NAA11: variants seen among roughly 807,000 people sequenced by gnomAD.
The protein encoded by NAA11 is N-alpha-acetyltransferase 11, NatA catalytic subunit.
Under a neutral mutation model 16.1 loss-of-function variants are expected in NAA11, and 15 were observed. The observed-to-expected ratio is 0.93, with a 90% CI of 0.62 to 1.44. NAA11 has a LOEUF of 1.44. Among genes scored for constraint, NAA11 ranks in the 40% most tolerant of loss-of-function variants. NAA11 has a pLI of 0.00. For synonymous variants in NAA11, 122 were observed against 112.4 expected, an observed-to-expected ratio of 1.09 and a Z score of -0.54; for missense variants, 298 against 291.3, an observed-to-expected ratio of 1.02 and a Z score of -0.17.
chr4:79,212,257 A>C, the NAA11 span, among the ~76,000 whole-genome samples: 1 of 152,208 alleles, frequency 6.6e-6, no homozygotes, highest in South Asian at 2.1e-4. Context: ...GTACTCTTTG[A>C]AATGCTCCAT....
At chr4:79,192,120 C>T in the NAA11 span, among the ~76,000 whole-genome samples, 1 of 152,126 alleles carries the variant, frequency 6.6e-6, no homozygotes, top group Non-Finnish European at 1.5e-5. Flanking sequence ...TAATGTGATG[C>T]CTCCAGCTTC....
At chr4:79,291,204 A>G (rs937090064) in intron 2 of NAA11, among the ~76,000 whole-genome samples, 1 of 152,158 alleles carries the variant, frequency 6.6e-6, no homozygotes, top group Non-Finnish European at 1.5e-5. Flanking sequence ...GTTTACGCCT[A>G]TAATCCCAGG....
downstream of NAA11, among the ~76,000 whole-genome samples, chr4:79,222,491 A>T (rs1221234136): frequency 6.6e-6 from 1 of 150,802 alleles, no homozygotes; most frequent in East Asian, 1.9e-4. Flanking sequence ...ACAAAAATCA[A>T]TTCAAGATGG....
chr4:79,260,266 G>A (rs1421656899), intron 2 of NAA11, among the ~76,000 whole-genome samples: 1 of 152,136 alleles, frequency 6.6e-6, no homozygotes, highest in East Asian at 1.9e-4. Context: ...GAGGTTAATG[G>A]GAATATTTTG....
chr4:79,314,603 C>T (rs2110013056), downstream of NAA11, among the ~76,000 whole-genome samples: 1 of 142,906 alleles, frequency 7.0e-6, no homozygotes, highest in Middle Eastern at 3.7e-3. Context: ...TCTATTAGAC[C>T]ACCTGAACCC....
At chr4:79,320,839 G>T (rs1313020524) in intron 1 of NAA11, among the ~76,000 whole-genome samples, 1 of 152,178 alleles carries the variant, frequency 6.6e-6, no homozygotes, top group Non-Finnish European at 1.5e-5. Flanking sequence ...AGCTCCACAG[G>T]AGGGAGCACC....
intron 2 of NAA11, among the ~76,000 whole-genome samples, chr4:79,277,276 G>T (rs1049231789): frequency 6.6e-6 from 1 of 152,014 alleles, no homozygotes; most frequent in South Asian, 2.1e-4. Flanking sequence ...AGCCGTTATA[G>T]GTGTACTTAT....
At chr4:79,200,530 G>A in the NAA11 span, among the ~76,000 whole-genome samples, 1 of 151,782 alleles carries the variant, frequency 6.6e-6, no homozygotes, top group Non-Finnish European at 1.5e-5. Context: ...CTGCCTTCCT[G>A]AAAGAAGTGA....
intron 2 of NAA11, among the ~76,000 whole-genome samples, chr4:79,271,998 A>G (rs28711203): frequency 0.45 from 68,293 of 151,188 alleles, 15,946 homozygotes; most frequent in Middle Eastern, 0.56. Flanking sequence ...ATATATATGT[A>G]TACACACACA....
At chr4:79,218,590 G>A in the NAA11 span, among the ~76,000 whole-genome samples, 1 of 151,894 alleles carries the variant, frequency 6.6e-6, no homozygotes, top group Non-Finnish European at 1.5e-5. Context: ...TACCTATCAG[G>A]AGTATAAAAG....
the NAA11 span, among the ~76,000 whole-genome samples, chr4:79,156,669 A>C: frequency 6.6e-6 from 1 of 152,226 alleles, no homozygotes; most frequent in Non-Finnish European, 1.5e-5. Flanking sequence ...AAACAACCAG[A>C]ATAATGTTTG....
At chr4:79,167,066 G>T in the NAA11 span, among the ~76,000 whole-genome samples, 4 of 129,946 alleles carry the variant, frequency 3.1e-5, no homozygotes, top group Non-Finnish European at 4.8e-5. Flanking sequence ...TGAGGTATGG[G>T]GAGTCACCAA....
intron 2 of NAA11, among the ~76,000 whole-genome samples, chr4:79,292,320 C>A (rs1005389866): frequency 2.0e-5 from 3 of 152,146 alleles, no homozygotes; most frequent in Admixed American, 6.5e-5. Flanking sequence ...TTAATGAAAA[C>A]TTTCTATATC....
At chr4:79,313,084 C>CA (rs892803172), downstream of NAA11, among the ~76,000 whole-genome samples, 22 of 152,050 alleles carry the variant, frequency 1.4e-4, no homozygotes, top group Admixed American at 1.4e-3. Flanking sequence ...TCATTGCTGA[C>CA]ATAGTTATTG....
chr4:79,257,358 T>A (rs1722139076), intron 2 of NAA11, among the ~76,000 whole-genome samples: 1 of 152,168 alleles, frequency 6.6e-6, no homozygotes, highest in African/African-American at 2.4e-5. Context: ...TTTGTTTCAA[T>A]ATTTTGGGGT....
chr4:79,247,369 T>G (rs1343427376), intron 2 of NAA11, among the ~76,000 whole-genome samples: 2 of 152,190 alleles, frequency 1.3e-5, no homozygotes, highest in African/African-American at 4.8e-5. Flanking sequence ...CCCCTGCATT[T>G]CAGTTTTCCC....
chr4:79,229,239 A>T (rs1362407466), intron 2 of NAA11, among the ~76,000 whole-genome samples: 2 of 151,912 alleles, frequency 1.3e-5, no homozygotes, highest in African/African-American at 4.8e-5. Flanking sequence ...GTTTTTTTAT[A>T]TAGCAGGAGA....
chr4:79,243,340 GA>G (rs1721736463), intron 2 of NAA11, among the ~76,000 whole-genome samples: 1 of 152,278 alleles, frequency 6.6e-6, no homozygotes, highest in Non-Finnish European at 1.5e-5. Context: ...CAATTATCTT[GA>G]AAAGATCTTG....
chr4:79,291,136 G>C (rs533600688), intron 2 of NAA11, among the ~76,000 whole-genome samples: 3 of 152,142 alleles, frequency 2.0e-5, no homozygotes, highest in Admixed American at 1.3e-4. Flanking sequence ...CCAAGTTTTT[G>C]GTTTATTTTA....
Sources: gnomAD v4.1 joint callset for allele counts (sites outside exome capture counted in the v4.1 genomes callset) on GRCh38, gnomAD v4.1.1 for gene constraint, MANE v1.5 for transcripts, NCBI Gene and HGNC (gene_info 2026-07-23, HGNC 2026-07-21) for gene names.